Variants in DOCK2 observed in about 807,000 individuals in gnomAD.
The protein encoded by DOCK2 is dedicator of cytokinesis protein 2.
DOCK2 carries 87 observed loss-of-function variants against 248.9 expected under a neutral mutation model. The ratio of observed to expected loss-of-function variants is 0.35; its 90% CI spans 0.29 to 0.42. DOCK2 has a LOEUF of 0.42. Ranked by LOEUF, DOCK2 falls within the 10% of genes least tolerant of loss-of-function variation. The pLI, the probability that DOCK2 is intolerant of heterozygous loss-of-function variation, is 1.00. For missense variants in DOCK2, 1,747 were observed against 2,300.2 expected (o/e 0.76, Z 4.92); for synonymous variants, 805 against 821.6 (o/e 0.98, Z 0.35).
intron 35 of DOCK2, 73 bp from the exon 36 acceptor site, chr5:170,036,442 T>G (rs1173744313): frequency 6.7e-7 from 1 of 1,483,884 alleles, no homozygotes; most frequent in East Asian, 2.4e-5. Flanking sequence ...CCTCTCATCT[T>G]CATCACCACA....
intron 27 of DOCK2, among the ~76,000 whole-genome samples, chr5:169,897,794 C>T (rs1166024234): frequency 6.6e-6 from 1 of 152,188 alleles, no homozygotes; most frequent in Non-Finnish European, 1.5e-5. Context: ...TCTTAGAGAG[C>T]AAAGAGATGA....
At chr5:170,082,014 A>G (rs1163152161) in intron 51 of DOCK2, 30 bp downstream of exon 51, 1 of 1,608,834 alleles carries the variant, frequency 6.2e-7, no homozygotes, top group East Asian at 2.2e-5. Flanking sequence ...AAGGAAAGGA[A>G]GGCATTGGGA....
intron 27 of DOCK2, among the ~76,000 whole-genome samples, chr5:169,907,633 A>G (rs1774357427): frequency 6.6e-6 from 1 of 152,220 alleles, no homozygotes; most frequent in South Asian, 2.1e-4. Context: ...TGTTCTACAC[A>G]CAAGAAAATT....
Position 170,080,288 on chromosome 5 carries a change from GC to G in DOCK2, c.5287+10del. 6.2e-7 allele frequency: 1 copy of G among 1,614,044 alleles called. No individual in the cohort carries two copies. The highest frequency in any genetic ancestry group is 8.5e-7 in the Non-Finnish European group (1 of 1,179,936). ...AGTCCATGCCTACCATCCCAGGTAT[GC>G]CCCCTGCTGCCACCAGCATGAGGGA... On this transcript the variant is annotated splice_donor_region_variant and intron_variant, in intron 50 of 51. Coordinates refer to ENST00000520908, the MANE Select transcript of DOCK2 (RefSeq NM_004946.3).
At chr5:169,708,976 G>A (rs577741984) in intron 15 of DOCK2, among the ~76,000 whole-genome samples, 1 of 152,280 alleles carries the variant, frequency 6.6e-6, no homozygotes, top group South Asian at 2.1e-4. Context: ...TGTGACCTTG[G>A]GCAAGTCATT....
chr5:169,758,059 C>G (rs998681025), intron 23 of DOCK2, among the ~76,000 whole-genome samples: 1 of 144,616 alleles, frequency 6.9e-6, no homozygotes, highest in Non-Finnish European at 1.5e-5. Flanking sequence ...GATATACAAA[C>G]AGTATTTTTT....
At chr5:169,940,563 C>T (rs1369898034) in intron 27 of DOCK2, among the ~76,000 whole-genome samples, 2 of 152,168 alleles carry the variant, frequency 1.3e-5, no homozygotes, top group East Asian at 3.8e-4. Flanking sequence ...GCTTGTTTTT[C>T]TGCAACTAGA....
intron 22 of DOCK2, among the ~76,000 whole-genome samples, chr5:169,737,885 C>G (rs928534820): frequency 6.6e-6 from 1 of 152,190 alleles, no homozygotes; most frequent in Non-Finnish European, 1.5e-5. Flanking sequence ...GCAGCTCTAG[C>G]AAGTTAATCA....
At chr5:170,002,774 A>G (rs1754885303) in intron 30 of DOCK2, among the ~76,000 whole-genome samples, 1 of 151,526 alleles carries the variant, frequency 6.6e-6, no homozygotes, top group South Asian at 2.1e-4. Flanking sequence ...CTATTGTCCT[A>G]TAATTTCAAA....
At chr5:169,983,732 C>T (rs947274743) in intron 28 of DOCK2, among the ~76,000 whole-genome samples, 25 of 152,302 alleles carry the variant, frequency 1.6e-4, no homozygotes, top group Admixed American at 1.4e-3. Flanking sequence ...GTGTGGCCTC[C>T]TTTCTCTCTG....
chr5:169,872,002 A>G (rs957214599), intron 27 of DOCK2, among the ~76,000 whole-genome samples: 4 of 152,206 alleles, frequency 2.6e-5, no homozygotes, highest in Non-Finnish European at 1.5e-5. Flanking sequence ...CTTCCTTCTC[A>G]GCAGTGGGTC....
chr5:169,757,832 A>G (rs1764272666), intron 23 of DOCK2, among the ~76,000 whole-genome samples: 1 of 152,242 alleles, frequency 6.6e-6, no homozygotes, highest in African/African-American at 2.4e-5. Flanking sequence ...GCTCAACCAT[A>G]CTAGCCACCA....
At chr5:169,641,922 C>T (rs987661129) in intron 1 of DOCK2, among the ~76,000 whole-genome samples, 4 of 152,202 alleles carry the variant, frequency 2.6e-5, no homozygotes, top group African/African-American at 9.7e-5. Flanking sequence ...GTAAGAAAGA[C>T]AACCCAAGTC....
intron 40 of DOCK2, among the ~76,000 whole-genome samples, chr5:170,049,904 C>T (rs764509151): frequency 5.1e-4 from 78 of 152,178 alleles, no homozygotes; most frequent in Admixed American, 1.5e-3. Flanking sequence ...GCCCACATGG[C>T]CCATTACAGG....
At chr5:169,822,820 C>G (rs554905189) in intron 26 of DOCK2, among the ~76,000 whole-genome samples, 7 of 151,692 alleles carry the variant, frequency 4.6e-5, no homozygotes, top group Non-Finnish European at 5.9e-5. Context: ...AAAAAATCAA[C>G]GAATCCAGGA....
At chr5:169,709,854 C>A (rs527923883) in intron 15 of DOCK2, among the ~76,000 whole-genome samples, 17 of 152,336 alleles carry the variant, frequency 1.1e-4, no homozygotes, top group South Asian at 2.1e-4. Context: ...TGTAAATGTG[C>A]TCTGCAGACC....
intron 1 of DOCK2, among the ~76,000 whole-genome samples, chr5:169,650,012 C>T (rs1029083805): frequency 1.3e-5 from 2 of 152,112 alleles, no homozygotes; most frequent in African/African-American, 2.4e-5. Flanking sequence ...CCATGTTGGC[C>T]AGGCTGGTCT....
At chr5:169,831,639 T>A (rs1288729223) in intron 26 of DOCK2, among the ~76,000 whole-genome samples, 1 of 152,216 alleles carries the variant, frequency 6.6e-6, no homozygotes, top group African/African-American at 2.4e-5. Context: ...AATCTGGAAT[T>A]GTAGAAGTCT....
chr5:169,920,474 C>G (rs1418416032), intron 27 of DOCK2, among the ~76,000 whole-genome samples: 2 of 152,068 alleles, frequency 1.3e-5, no homozygotes, highest in Non-Finnish European at 2.9e-5. Flanking sequence ...TCCTTTTTGG[C>G]TCAACAGTTT....
Sources: gnomAD v4.1 joint callset for allele counts (sites outside exome capture counted in the v4.1 genomes callset) on GRCh38, gnomAD v4.1.1 for gene constraint, MANE v1.5 for transcripts, NCBI Gene and HGNC (gene_info 2026-07-23, HGNC 2026-07-21) for gene names.